Variants in B3GAT2 observed in about 807,000 individuals in gnomAD.
B3GAT2 encodes the protein beta-1,3-glucuronyltransferase 2.
In B3GAT2, 26 loss-of-function variants were observed where a neutral mutation model predicts 27.8. The ratio of observed to expected loss-of-function variants is 0.93; its 90% CI spans 0.68 to 1.30. The LOEUF is 1.30. B3GAT2 is among the 50% of genes most tolerant of loss of function. The pLI is 0.00. For synonymous variants in B3GAT2, 218 were observed against 195.1 expected (o/e 1.12, Z -0.98); for missense variants, 458 against 459.0 (o/e 1.00, Z 0.02).
chr6:70,937,328 G>A (rs1215314570), intron 1 of B3GAT2, among the ~76,000 whole-genome samples: 1 of 150,602 alleles, frequency 6.6e-6, no homozygotes, highest in Non-Finnish European at 1.5e-5. Flanking sequence ...GAGGTACAAG[G>A]AGGAACTGGT....
At chr6:70,934,989 C>A (rs1371435154) in intron 1 of B3GAT2, among the ~76,000 whole-genome samples, 1 of 152,168 alleles carries the variant, frequency 6.6e-6, no homozygotes, top group East Asian at 1.9e-4. Context: ...TTTTCTAAGA[C>A]AGAGGCTGAT....
At chr6:70,953,295 C>T (rs367889427) in intron 1 of B3GAT2, among the ~76,000 whole-genome samples, 20 of 152,182 alleles carry the variant, frequency 1.3e-4, no homozygotes, top group East Asian at 7.7e-4. Flanking sequence ...ATAATTTACA[C>T]GGAATCATTA....
Position 70,860,331 on chromosome 6 carries a change from A to C in B3GAT2, c.*1332T>G. The C allele has an allele frequency of 6.2e-7, 1 of 1,605,304 alleles. No homozygotes were observed. Among genetic ancestry groups the C allele is most frequent in the Non-Finnish European group, 8.5e-7 (1 of 1,177,234 alleles). ...AGACTCTCAGCACACAACTGTGGAA[A>C]TGAAAACTGCAATACAAGTTTCATC... On this transcript the variant is annotated 3_prime_UTR_variant, in exon 4 of 4. Coordinates refer to ENST00000230053, the MANE Select transcript of B3GAT2 (RefSeq NM_080742.3).
intron 2 of B3GAT2, among the ~76,000 whole-genome samples, chr6:70,884,480 G>C (rs1772150766): frequency 6.6e-6 from 1 of 152,208 alleles, no homozygotes; most frequent in Admixed American, 6.5e-5. Flanking sequence ...GATGCAGGCA[G>C]ACCCGAGCGC....
At chr6:70,944,883 G>A (rs1190730210) in intron 1 of B3GAT2, among the ~76,000 whole-genome samples, 1 of 152,158 alleles carries the variant, frequency 6.6e-6, no homozygotes, top group African/African-American at 2.4e-5. Context: ...AACTTCCAGA[G>A]GAACGATCAG....
chr6:70,925,580 C>T (rs113070105), intron 1 of B3GAT2, among the ~76,000 whole-genome samples: 1,627 of 152,318 alleles, frequency 0.011, 16 homozygotes, highest in Middle Eastern at 0.048. Context: ...AACTGCAAGA[C>T]GGCCCCAAGA....
At chr6:70,890,428 G>A (rs1290483898) in intron 2 of B3GAT2, among the ~76,000 whole-genome samples, 1 of 152,214 alleles carries the variant, frequency 6.6e-6, no homozygotes, top group Middle Eastern at 3.2e-3. Flanking sequence ...ATGAGGAAAA[G>A]GCACAGAAGA....
intron 1 of B3GAT2, among the ~76,000 whole-genome samples, chr6:70,920,038 T>C (rs1772841162): frequency 6.6e-6 from 1 of 152,354 alleles, no homozygotes; most frequent in East Asian, 1.9e-4. Flanking sequence ...TAGGCCTTGC[T>C]GAGCTGCAGT....
intron 2 of B3GAT2, among the ~76,000 whole-genome samples, chr6:70,888,443 A>C (rs1452967333): frequency 6.6e-6 from 1 of 152,170 alleles, no homozygotes; most frequent in Non-Finnish European, 1.5e-5. Context: ...AAAAGATCTA[A>C]GTGTCTGCTG....
chr6:70,917,360 C>G (rs1310520518), intron 1 of B3GAT2, among the ~76,000 whole-genome samples: 2 of 152,004 alleles, frequency 1.3e-5, no homozygotes, highest in Non-Finnish European at 2.9e-5. Flanking sequence ...CTCCTGGGTT[C>G]ATTGATTTTT....
chr6:70,878,717 T>A (rs1222246698), intron 2 of B3GAT2, among the ~76,000 whole-genome samples: 2 of 152,132 alleles, frequency 1.3e-5, no homozygotes, highest in Non-Finnish European at 2.9e-5. Flanking sequence ...GTTTCTCTTC[T>A]TCCTCTAATT....
chr6:70,872,961 A>G (rs1364667345), intron 2 of B3GAT2, among the ~76,000 whole-genome samples: 3 of 152,046 alleles, frequency 2.0e-5, no homozygotes, highest in Non-Finnish European at 4.4e-5. Context: ...GCCCCTACAC[A>G]GATCCATTCT....
intron 1 of B3GAT2, among the ~76,000 whole-genome samples, chr6:70,900,566 A>G (rs1482101495): frequency 6.6e-6 from 1 of 152,096 alleles, no homozygotes; most frequent in African/African-American, 2.4e-5. Context: ...TAAATTTTCT[A>G]TAGAGTTGGG....
At chr6:70,864,964 T>C (rs988848407) in intron 2 of B3GAT2, among the ~76,000 whole-genome samples, 3 of 152,160 alleles carry the variant, frequency 2.0e-5, no homozygotes, top group African/African-American at 4.8e-5. Context: ...ATAAAAATGA[T>C]TGTTCACTGA....
chr6:70,956,914 G>C lies in B3GAT2; in HGVS notation c.-485C>G. On this transcript the variant is annotated 5_prime_UTR_variant, in exon 1 of 4. Transcript: ENST00000230053. The stretch of plus-strand genomic sequence containing the variant: ...TCGAGGGCGGGCGGCGGCGCTGGGG[G>C]CTTTCCTTCCTCACATTCCCGCCGG... 9.8e-7 allele frequency: 1 copy of C among 1,019,746 alleles called. No homozygotes were observed. Among genetic ancestry groups the C allele is most frequent in the African/African-American group, 1.7e-5 (1 of 57,546 alleles). The allele number at this position is 1,019,746 out of a possible 1,614,324, so 63.2% of individuals were successfully genotyped here.
chr6:70,902,904 A>AG (rs1772530665), intron 1 of B3GAT2, among the ~76,000 whole-genome samples: 1 of 151,938 alleles, frequency 6.6e-6, no homozygotes. Context: ...GAGGGGTGGC[A>AG]GGGGGGCTGG....
In B3GAT2 at chr6:70,956,286, C is replaced by T. The variant is rs781778600; in HGVS notation, c.144G>A (p.Gly48=). 1 of 1,603,690 alleles carries T rather than the reference C, an allele frequency of 6.2e-7. No individual in the cohort carries two copies. Among genetic ancestry groups the T allele is most frequent in the South Asian group, 1.1e-5 (1 of 90,066 alleles). The change falls in exon 1 of 4, where the codon GGG becomes GGA. Residue 48 remains glycine, a synonymous_variant. Coordinates refer to ENST00000230053, the MANE Select transcript of B3GAT2 (RefSeq NM_080742.3). The part of the protein sequence containing the change: ...PYFSPYAVGR[G]GARLPLRRGG... ...CCCTGCGGAGCGGGAGTCGGGCGCC[C>T]CCGCGGCCCACCGCGTAGGGAGAGA...
chr6:70,898,599 ATCT>A (rs1209293466), intron 1 of B3GAT2, among the ~76,000 whole-genome samples: 1 of 152,162 alleles, frequency 6.6e-6, no homozygotes, highest in African/African-American at 2.4e-5. Context: ...GGGTAAGATA[ATCT>A]TCTTAAAATG....
At chr6:70,937,256 A>G (rs1458239788) in intron 1 of B3GAT2, among the ~76,000 whole-genome samples, 100 of 151,778 alleles carry the variant, frequency 6.6e-4, no homozygotes, top group African/African-American at 2.2e-3. Flanking sequence ...TGTGGCAATA[A>G]TCAATAGCTT....
Sources: allele counts gnomAD v4.1 joint callset (sites outside exome capture counted in the v4.1 genomes callset), GRCh38; gene constraint gnomAD v4.1.1; transcripts MANE v1.5; gene names NCBI Gene and HGNC (gene_info 2026-07-23, HGNC 2026-07-21).